CIMIP4: variants seen among roughly 807,000 people sequenced by gnomAD.
CIMIP4 encodes protein EAN57.
chr22:37,004,211 T>C, the CIMIP4 span, among the ~76,000 whole-genome samples: 2 of 152,080 alleles, frequency 1.3e-5, no homozygotes, highest in Non-Finnish European at 2.9e-5. Context: ...CATTCACTCA[T>C]CACCCCTGGC....
the CIMIP4 span, among the ~76,000 whole-genome samples, chr22:36,992,698 T>C: frequency 6.6e-6 from 1 of 152,060 alleles, no homozygotes. Flanking sequence ...ATTGCCATCA[T>C]AAAAGTTTAA....
At chr22:36,991,484 G>T in the CIMIP4 span, 1 of 1,613,988 alleles carries the variant, frequency 6.2e-7, no homozygotes. Flanking sequence ...CACTTACCCA[G>T]ATCATCCGTC....
At chr22:36,996,050 G>T in the CIMIP4 span, among the ~76,000 whole-genome samples, 1 of 152,126 alleles carries the variant, frequency 6.6e-6, no homozygotes, top group East Asian at 1.9e-4. Flanking sequence ...TGACTGGCAG[G>T]GTTTAAATCC....
At chr22:36,999,569 GGAGGGGAGGGGA>G in the CIMIP4 span, among the ~76,000 whole-genome samples, 1 of 19,516 alleles carries the variant, frequency 5.1e-5, no homozygotes, top group Non-Finnish European at 8.9e-5. Flanking sequence ...AGGGGAGGGG[GGAGGGGAGGGGA>G]GGGGGGGATG....
the CIMIP4 span, among the ~76,000 whole-genome samples, chr22:36,992,810 C>CA: frequency 9.9e-5 from 15 of 151,792 alleles, no homozygotes; most frequent in African/African-American, 1.7e-4. Flanking sequence ...GGATGCAATA[C>CA]AAAGAAATAA....
the CIMIP4 span, chr22:37,004,082 C>T: frequency 2.0e-6 from 3 of 1,469,502 alleles, no homozygotes; most frequent in South Asian, 3.9e-5. Context: ...TTTCTGTGAA[C>T]AAGGATGAGC....
At chr22:37,004,141 A>C in the CIMIP4 span, 2 of 948,372 alleles carry the variant, frequency 2.1e-6, no homozygotes, top group African/African-American at 1.7e-5. Context: ...CCCTGATCAG[A>C]GGTTCCTAAG....
At chr22:36,991,145 T>A in the CIMIP4 span, 1 of 1,598,628 alleles carries the variant, frequency 6.3e-7, no homozygotes, top group African/African-American at 1.3e-5. Context: ...GTTAGCACTT[T>A]ATTTGAGTAG....
the CIMIP4 span, chr22:36,991,239 C>A: frequency 6.2e-7 from 1 of 1,614,174 alleles, no homozygotes; most frequent in Non-Finnish European, 8.5e-7. Context: ...GTGCTTTCTG[C>A]AAGTTCAGGT....
At chr22:36,992,839 C>A in the CIMIP4 span, among the ~76,000 whole-genome samples, 1 of 151,326 alleles carries the variant, frequency 6.6e-6, no homozygotes, top group African/African-American at 2.4e-5. Flanking sequence ...GGGCTGGGCG[C>A]GGTGGCTCAC....
the CIMIP4 span, chr22:37,007,572 C>T: frequency 6.6e-6 from 1 of 152,338 alleles, no homozygotes; most frequent in East Asian, 1.9e-4. Flanking sequence ...CAGTTTCTGA[C>T]CCAGAGAGAG....
the CIMIP4 span, among the ~76,000 whole-genome samples, chr22:37,007,114 G>A: frequency 1.2e-4 from 18 of 152,036 alleles, no homozygotes; most frequent in Non-Finnish European, 2.2e-4. Flanking sequence ...GAGAGACCCT[G>A]GGACAGAAAA....
the CIMIP4 span, chr22:37,007,764 G>C: frequency 6.6e-6 from 1 of 152,236 alleles, no homozygotes; most frequent in African/African-American, 2.4e-5. Context: ...GGAAACACGT[G>C]AACCACACTG....
At chr22:36,999,789 G>A in the CIMIP4 span, 7 of 1,578,962 alleles carry the variant, frequency 4.4e-6, no homozygotes, top group East Asian at 1.3e-4. Context: ...CCTGCCCAAT[G>A]CCTGGGAGAC....
At chr22:37,001,779 T>G in the CIMIP4 span, 1 of 1,442,446 alleles carries the variant, frequency 6.9e-7, no homozygotes, top group Non-Finnish European at 9.2e-7. Context: ...AAGAGTGAGT[T>G]TATCTTATGT....
chr22:37,000,282 G>A, the CIMIP4 span, among the ~76,000 whole-genome samples: 3 of 152,182 alleles, frequency 2.0e-5, no homozygotes, highest in African/African-American at 7.2e-5. Context: ...TCTATAGGGT[G>A]CCACTCTTCC....
the CIMIP4 span, among the ~76,000 whole-genome samples, chr22:37,003,560 A>G: frequency 6.6e-6 from 1 of 150,644 alleles, no homozygotes; most frequent in Admixed American, 6.6e-5. Context: ...TGCCTGGAAC[A>G]CTCCCCTCCA....
the CIMIP4 span, among the ~76,000 whole-genome samples, chr22:36,995,735 C>G: frequency 6.6e-6 from 1 of 152,176 alleles, no homozygotes; most frequent in Admixed American, 6.5e-5. Flanking sequence ...TTCCCATTCT[C>G]TCTTGTCGGC....
At chr22:37,003,342 A>T in the CIMIP4 span, among the ~76,000 whole-genome samples, 2 of 151,936 alleles carry the variant, frequency 1.3e-5, no homozygotes, top group Non-Finnish European at 2.9e-5. Flanking sequence ...CGCTGCCCCA[A>T]CTCACTGGAC....
Sources: allele counts gnomAD v4.1 joint callset (sites outside exome capture counted in the v4.1 genomes callset), GRCh38; gene constraint gnomAD v4.1.1; transcripts MANE v1.5; gene names NCBI Gene and HGNC (gene_info 2026-07-23, HGNC 2026-07-21).